SGCZ: variants seen among roughly 807,000 people sequenced by gnomAD.
SGCZ encodes sarcoglycan zeta.
A neutral mutation model predicts 41.3 loss-of-function variants in SGCZ; 40 were observed. That is an observed-to-expected ratio of 0.97 (90% CI 0.75 to 1.26). The LOEUF is 1.26. Among genes scored for constraint, SGCZ ranks in the 50% most tolerant of loss-of-function variants. The probability of loss-of-function intolerance (pLI) is 0.00; values close to 1 mark genes in which losing one functional copy is unlikely to be tolerated. For synonymous variants in SGCZ, 206 were observed against 137.5 expected, an observed-to-expected ratio of 1.50 and a Z score of -3.49; for missense variants, 552 against 369.8, an observed-to-expected ratio of 1.49 and a Z score of -4.04.
At chr8:14,223,910 AAG>A (rs1281722600) in intron 4 of SGCZ, among the ~76,000 whole-genome samples, 2 of 152,192 alleles carry the variant, frequency 1.3e-5, no homozygotes, top group Non-Finnish European at 1.5e-5. Flanking sequence ...GTAATGTGAA[AAG>A]AGTTTCACTT....
intron 1 of SGCZ, among the ~76,000 whole-genome samples, chr8:15,009,136 T>G (rs1157756766): frequency 6.6e-6 from 1 of 152,198 alleles, no homozygotes; most frequent in African/African-American, 2.4e-5. Flanking sequence ...CTGGGTAATT[T>G]ATAAAGAAAA....
intron 1 of SGCZ, among the ~76,000 whole-genome samples, chr8:15,117,530 C>T (rs1270655219): frequency 6.6e-6 from 1 of 152,022 alleles, no homozygotes; most frequent in Non-Finnish European, 1.5e-5. Flanking sequence ...ATGTCTGATC[C>T]TTATTAGCTG....
intron 1 of SGCZ, among the ~76,000 whole-genome samples, chr8:14,664,308 G>C (rs1036121222): frequency 6.6e-6 from 1 of 152,128 alleles, no homozygotes; most frequent in Non-Finnish European, 1.5e-5. Context: ...CACAAACACA[G>C]TTTGCTGAAG....
chr8:14,101,253 C>A (rs1802010960), intron 7 of SGCZ, among the ~76,000 whole-genome samples: 1 of 152,062 alleles, frequency 6.6e-6, no homozygotes, highest in East Asian at 1.9e-4. Flanking sequence ...AAGTCAGTGG[C>A]ATGAGGCACA....
At chr8:14,979,744 T>C (rs1801600602) in intron 1 of SGCZ, among the ~76,000 whole-genome samples, 1 of 152,230 alleles carries the variant, frequency 6.6e-6, no homozygotes, top group Admixed American at 6.5e-5. Context: ...TTCCTAAATA[T>C]GTTAGACTGG....
At chr8:14,192,774 T>C (rs1805144882) in intron 4 of SGCZ, among the ~76,000 whole-genome samples, 1 of 152,072 alleles carries the variant, frequency 6.6e-6, no homozygotes. Context: ...AAAGTTTTCA[T>C]GGCCACGTTT....
At chr8:14,706,574 A>G (rs771596866) in intron 1 of SGCZ, among the ~76,000 whole-genome samples, 8 of 152,074 alleles carry the variant, frequency 5.3e-5, no homozygotes, top group Admixed American at 6.6e-5. Context: ...AAGTCCAGTA[A>G]TTCTAAGTTG....
intron 1 of SGCZ, among the ~76,000 whole-genome samples, chr8:15,202,751 C>A (rs1023063901): frequency 3.3e-5 from 5 of 152,092 alleles, no homozygotes; most frequent in Admixed American, 6.5e-5. Context: ...ACTATCAATA[C>A]CTTTTAGAAA....
At chr8:15,233,307 G>A (rs1467123491) in intron 1 of SGCZ, among the ~76,000 whole-genome samples, 2 of 145,124 alleles carry the variant, frequency 1.4e-5, no homozygotes, top group Non-Finnish European at 3.0e-5. Context: ...CCTGGGCTGA[G>A]TGTCTTATTG....
chr8:15,223,363 T>G (rs895535739), intron 1 of SGCZ, among the ~76,000 whole-genome samples: 16 of 152,170 alleles, frequency 1.1e-4, no homozygotes, highest in Non-Finnish European at 2.9e-5. Flanking sequence ...AAAGTTGGCT[T>G]CAGAAATCCA....
chr8:15,091,984 G>A (rs1806169976), intron 1 of SGCZ, among the ~76,000 whole-genome samples: 1 of 152,062 alleles, frequency 6.6e-6, no homozygotes, highest in South Asian at 2.1e-4. Context: ...GAAATCCTGG[G>A]CTCAAGCGAT....
intron 1 of SGCZ, among the ~76,000 whole-genome samples, chr8:15,192,896 T>TA (rs1156686929): frequency 6.6e-6 from 1 of 152,020 alleles, no homozygotes; most frequent in Non-Finnish European, 1.5e-5. Context: ...AAGGAACATT[T>TA]AAAAAAATAT....
intron 2 of SGCZ, among the ~76,000 whole-genome samples, chr8:14,399,213 TC>T (rs1799004003): frequency 1.3e-5 from 2 of 152,160 alleles, no homozygotes; most frequent in Non-Finnish European, 1.5e-5. Context: ...GTGTCAGGGT[TC>T]CTTGGAGTCC....
rs900512963 is a variant in SGCZ, at chr8:14,086,798, A to T, written c.*3645T>A. ...AAAAGGTTTGTATTTCAACTTTTATAAGCAGCTTTTTAAGGTGCAGAAGGA... is the reference window on the plus strand; with the variant it reads ...AAAAGGTTTGTATTTCAACTTTTATTAGCAGCTTTTTAAGGTGCAGAAGGA... On this transcript the variant is annotated 3_prime_UTR_variant, in exon 8 of 8. Coordinates refer to ENST00000382080, the MANE Select transcript of SGCZ (RefSeq NM_139167.4). Among the ~76,000 whole-genome samples the T allele has an allele frequency of 1.3e-5, 2 of 151,864 alleles. No homozygotes were observed. The highest frequency in any genetic ancestry group is 3.9e-4 in the East Asian group (2 of 5,144).
chr8:14,117,356 G>GGTT (rs1554460512), intron 5 of SGCZ, among the ~76,000 whole-genome samples: 6 of 143,444 alleles, frequency 4.2e-5, no homozygotes, highest in Non-Finnish European at 3.0e-5. Flanking sequence ...AATAGGTAGT[G>GGTT]TTTTTTTTTT....
At chr8:14,214,144 T>C (rs1563189754) in intron 4 of SGCZ, among the ~76,000 whole-genome samples, 1 of 152,108 alleles carries the variant, frequency 6.6e-6, no homozygotes, top group Non-Finnish European at 1.5e-5. Context: ...GATGTGATGA[T>C]AATATTGTGC....
intron 2 of SGCZ, among the ~76,000 whole-genome samples, chr8:14,513,025 T>C (rs1802510991): frequency 6.6e-6 from 1 of 152,182 alleles, no homozygotes; most frequent in East Asian, 1.9e-4. Context: ...GTTCCAAATC[T>C]TGTTCGTGCC....
At chr8:14,255,677 G>T (rs970159335) in intron 3 of SGCZ, among the ~76,000 whole-genome samples, 2 of 151,968 alleles carry the variant, frequency 1.3e-5, no homozygotes, top group Non-Finnish European at 1.5e-5. Context: ...TTAGTTCACT[G>T]TCTTTGGATG....
Position 14,176,205 on chromosome 8 carries a change from C to G in SGCZ, c.425-11503G>C, listed in dbSNP as rs142435925. Among the ~76,000 whole-genome samples, 770 of 152,240 alleles carry G rather than the reference C, an allele frequency of 5.1e-3. 6 individuals carry two copies. The highest frequency in any genetic ancestry group is 0.018 in the African/African-American group (744 of 41,556). On this transcript the variant is annotated intron_variant, in intron 4 of 7. Transcript: ENST00000382080. Reference sequence around the variant, plus strand: ...ACTGGTCCTACACAGAACCCTTAGTCCAACAATATGCCATAAAGTACTTCT... The same window carrying G: ...ACTGGTCCTACACAGAACCCTTAGTGCAACAATATGCCATAAAGTACTTCT...
Sources: allele counts gnomAD v4.1 joint callset (sites outside exome capture counted in the v4.1 genomes callset), GRCh38; gene constraint gnomAD v4.1.1; transcripts MANE v1.5; gene names NCBI Gene and HGNC (gene_info 2026-07-23, HGNC 2026-07-21).